The following SPATA16 variants were observed in gnomAD, a reference collection of about 807,000 sequenced individuals.
SPATA16 encodes spermatogenesis associated 16.
In SPATA16, 36 loss-of-function variants were observed where a neutral mutation model predicts 63.3. The observed-to-expected ratio is 0.57, with a 90% CI of 0.44 to 0.75. The LOEUF is 0.75. Ranked by LOEUF, SPATA16 falls within the 30% of genes least tolerant of loss-of-function variation. The pLI is 0.00. For synonymous variants in SPATA16, 203 were observed against 216.7 expected, an observed-to-expected ratio of 0.94 and a Z score of 0.56; for missense variants, 646 against 679.3, an observed-to-expected ratio of 0.95 and a Z score of 0.54.
At chr3:173,074,256 G>A (rs567028227) in intron 2 of SPATA16, among the ~76,000 whole-genome samples, 1 of 152,146 alleles carries the variant, frequency 6.6e-6, no homozygotes, top group Non-Finnish European at 1.5e-5. Context: ...GGGGACTCTT[G>A]GGAAGGCATG....
chr3:172,907,729 C>G (rs1215652286), intron 10 of SPATA16, among the ~76,000 whole-genome samples: 2 of 152,070 alleles, frequency 1.3e-5, no homozygotes, highest in East Asian at 3.9e-4. Context: ...GTGCGTGCCA[C>G]CATGCCCAGC....
intron 3 of SPATA16, among the ~76,000 whole-genome samples, chr3:173,024,154 A>T (rs979798965): frequency 2.0e-5 from 3 of 151,576 alleles, no homozygotes; most frequent in Admixed American, 2.0e-4. Context: ...ATAGCATTTA[A>T]ACATGTATTT....
chr3:172,941,993 A>G (rs941171588), intron 6 of SPATA16, among the ~76,000 whole-genome samples: 15 of 152,214 alleles, frequency 9.9e-5, no homozygotes, highest in African/African-American at 3.6e-4. Context: ...AAATAAAGAA[A>G]AAATGAATAA....
intron 10 of SPATA16, among the ~76,000 whole-genome samples, chr3:172,912,651 A>G (rs1378148027): frequency 6.6e-6 from 1 of 152,158 alleles, no homozygotes; most frequent in Non-Finnish European, 1.5e-5. Flanking sequence ...TCTCTTCATT[A>G]TGATTGTCTT....
At chr3:173,082,967 G>A (rs1273947252) in intron 2 of SPATA16, among the ~76,000 whole-genome samples, 2 of 152,038 alleles carry the variant, frequency 1.3e-5, no homozygotes, top group African/African-American at 4.8e-5. Context: ...ACAGTGCCTG[G>A]CATCAATTAG....
At chr3:172,956,540 C>A (rs1389148577) in intron 6 of SPATA16, 137 bp downstream of exon 6, 3 of 865,926 alleles carry the variant, frequency 3.5e-6, no homozygotes, top group Non-Finnish European at 5.2e-6. Flanking sequence ...TTAAAAATTT[C>A]TTTCCGTTTC....
At chr3:173,042,094 T>C (rs1314468203) in intron 3 of SPATA16, among the ~76,000 whole-genome samples, 1 of 152,190 alleles carries the variant, frequency 6.6e-6, no homozygotes, top group Admixed American at 6.5e-5. Flanking sequence ...TAAGCGAATA[T>C]CACCTTTGAT....
chr3:172,954,525 C>G (rs929472380), intron 6 of SPATA16, among the ~76,000 whole-genome samples: 2 of 152,180 alleles, frequency 1.3e-5, no homozygotes, highest in Non-Finnish European at 2.9e-5. Flanking sequence ...CCCTATCTGT[C>G]TTTATGTTAC....
chr3:173,027,941 T>C (rs569242940), intron 3 of SPATA16, among the ~76,000 whole-genome samples: 1 of 150,848 alleles, frequency 6.6e-6, no homozygotes. Context: ...TAGCTTTATA[T>C]GAGACTAGGG....
intron 2 of SPATA16, among the ~76,000 whole-genome samples, chr3:173,099,023 GTC>G (rs1388293298): frequency 6.6e-6 from 1 of 152,160 alleles, no homozygotes. Context: ...CATCAACACT[GTC>G]TGCTTCTCAT....
chr3:173,131,374 T>C (rs578238767), intron 1 of SPATA16, among the ~76,000 whole-genome samples: 13 of 152,164 alleles, frequency 8.5e-5, no homozygotes, highest in Non-Finnish European at 1.8e-4. Context: ...AAGAAGGCTA[T>C]GAAGAGGGTG....
At chr3:173,049,325 T>C (rs1432511489) in intron 2 of SPATA16, among the ~76,000 whole-genome samples, 1 of 152,168 alleles carries the variant, frequency 6.6e-6, no homozygotes, top group Non-Finnish European at 1.5e-5. Context: ...AGTGAGTGAC[T>C]GTAATATAAA....
chr3:172,956,618 TG>T, intron 6 of SPATA16, 58 bp downstream of exon 6: 1 of 1,564,286 alleles, frequency 6.4e-7, no homozygotes, highest in South Asian at 1.1e-5. Context: ...GAAAGAACCC[TG>T]TATTTGTTTT....
chr3:173,024,404 C>T (rs1375937676), intron 3 of SPATA16, among the ~76,000 whole-genome samples: 2 of 151,156 alleles, frequency 1.3e-5, no homozygotes, highest in Non-Finnish European at 1.5e-5. Flanking sequence ...AAAGAAGTAT[C>T]ATTCTATGTG....
At chr3:173,082,649 G>T (rs1054106372) in intron 2 of SPATA16, among the ~76,000 whole-genome samples, 41 of 152,210 alleles carry the variant, frequency 2.7e-4, no homozygotes, top group African/African-American at 8.9e-4. Flanking sequence ...CCAGAGGTGG[G>T]TCTAATGGGG....
At chr3:172,926,534 C>T (rs1256500004) in intron 6 of SPATA16, among the ~76,000 whole-genome samples, 1 of 152,184 alleles carries the variant, frequency 6.6e-6, no homozygotes, top group Non-Finnish European at 1.5e-5. Context: ...TGCCCAACAG[C>T]ACAGCTCCAA....
chr3:172,971,127 T>C (rs1423333430), intron 5 of SPATA16, among the ~76,000 whole-genome samples: 1 of 152,168 alleles, frequency 6.6e-6, no homozygotes, highest in Non-Finnish European at 1.5e-5. Flanking sequence ...GGCTAAGAAC[T>C]TGGAACTTCC....
chr3:173,037,219 C>G lies in SPATA16; in HGVS notation c.758+11730G>C, dbSNP rs561375803. On this transcript the variant is annotated intron_variant, in intron 3 of 10. Coordinates refer to ENST00000351008, the MANE Select transcript of SPATA16 (RefSeq NM_031955.6). ...TATATTACACCATCTTTTTGCCCTCCTTCCTAAGACTAAAATACCCTCTCT... is the reference window on the plus strand; with the variant it reads ...TATATTACACCATCTTTTTGCCCTCGTTCCTAAGACTAAAATACCCTCTCT... Among the ~76,000 whole-genome samples, 9 of 152,050 alleles carry G rather than the reference C, an allele frequency of 5.9e-5. No homozygotes were observed. In the East Asian group the frequency reaches 1.7e-3, roughly 29 times the overall value.
intron 6 of SPATA16, among the ~76,000 whole-genome samples, chr3:172,927,062 G>C (rs570933441): frequency 6.6e-6 from 1 of 152,120 alleles, no homozygotes; most frequent in Non-Finnish European, 1.5e-5. Context: ...AGTACACCAC[G>C]AGTGTTTTTT....
Sources: allele counts gnomAD v4.1 joint callset (sites outside exome capture counted in the v4.1 genomes callset), GRCh38; gene constraint gnomAD v4.1.1; transcripts MANE v1.5; gene names NCBI Gene and HGNC (gene_info 2026-07-23, HGNC 2026-07-21).